Variants in RAD51B observed in about 807,000 individuals in gnomAD.
RAD51B encodes the protein DNA repair protein RAD51 homolog 2.
In RAD51B, 38 loss-of-function variants were observed where a neutral mutation model predicts 42.2. The observed-to-expected ratio is 0.90, with a 90% CI of 0.70 to 1.18. The LOEUF (loss-of-function observed/expected upper bound fraction) is 1.18, where lower values mean the gene tolerates loss of function less well. Among genes scored for constraint, RAD51B ranks in the 50% most tolerant of loss-of-function variants. RAD51B has a pLI of 0.00. For missense variants in RAD51B, 373 were observed against 400.7 expected, an observed-to-expected ratio of 0.93 and a Z score of 0.59; for synonymous variants, 154 against 145.2, an observed-to-expected ratio of 1.06 and a Z score of -0.43.
At chr14:68,206,589 C>T (rs956195983) in intron 7 of RAD51B, among the ~76,000 whole-genome samples, 1 of 152,068 alleles carries the variant, frequency 6.6e-6, no homozygotes, top group Non-Finnish European at 1.5e-5. Flanking sequence ...CTGTTCTTTT[C>T]AGTGGTTGAT....
rs554411436 is a variant in RAD51B at position 68,677,384 on chromosome 14, T to C, written c.*11+26528T>C. Among the ~76,000 whole-genome samples the C allele has an allele frequency of 2.7e-3, 412 of 152,296 alleles. 5 individuals are homozygous for C. The highest frequency in any genetic ancestry group is 9.6e-3 in the African/African-American group (397 of 41,560). On this transcript the variant is annotated intron_variant, in intron 11 of 11. Transcript: ENST00000488612. The stretch of plus-strand genomic sequence containing the variant: ...CTGCTCCGGCCCGGGCCTCTTCACA[T>C]TGGACATAACATTTTCATACGTGCT...
Position 68,611,015 on chromosome 14 carries a change from CTG to C in RAD51B, c.1049_1050del (p.Val350GlyfsTer25), listed in dbSNP as rs1231521116. On this transcript the variant is annotated frameshift_variant, in exon 11 of 11. Coordinates refer to the RAD51B transcript ENST00000487861. LOFTEE classifies it low-confidence loss of function (END_TRUNC). Reference sequence around the variant, plus strand: ...TTCTCTCATTTCACAGTTGTTAGAACTGTGGCCAGAGTCAGCCCCAGGTCAGA... The same window carrying C: ...TTCTCTCATTTCACAGTTGTTAGAACTGGCCAGAGTCAGCCCCAGGTCAGA... 2 of 703,118 alleles carry C rather than the reference CTG, an allele frequency of 2.8e-6. No homozygotes were observed. The highest frequency in any genetic ancestry group is 3.0e-5 in the South Asian group (2 of 67,596). The allele number at this position is 703,118 out of a possible 1,614,324, so 43.6% of individuals were successfully genotyped here. A position where few individuals can be genotyped will look rare whatever the true frequency, so the allele number is the denominator to read the frequency against.
At chr14:68,353,676 C>G (rs1191948019) in intron 8 of RAD51B, among the ~76,000 whole-genome samples, 1 of 152,208 alleles carries the variant, frequency 6.6e-6, no homozygotes, top group Non-Finnish European at 1.5e-5. Flanking sequence ...GCATCCGAGT[C>G]ATAATAGCAC....
At chr14:68,416,694 G>A (rs1386628388) in intron 9 of RAD51B, among the ~76,000 whole-genome samples, 1 of 152,196 alleles carries the variant, frequency 6.6e-6, no homozygotes, top group Admixed American at 6.5e-5. Flanking sequence ...TAGAAATACT[G>A]TAAGAATACT....
Position 68,630,296 on chromosome 14 carries a change from C to T in RAD51B, c.1037-20485C>T, listed in dbSNP as rs143753079. ...TCCGGAGGAATTTCTTCAAGCAACA[C>T]TAACTGTCCTTTCACCACTCTGTTG... is the stretch of plus-strand genomic sequence containing the variant. On this transcript the variant is annotated intron_variant, in intron 10 of 11. Transcript: ENST00000488612. 3.0e-4 allele frequency among the ~76,000 whole-genome samples: 45 copies of T among 152,292 alleles called. No individual in the cohort carries two copies. In the East Asian group the frequency reaches 8.5e-3, roughly 29 times the overall value.
intron 8 of RAD51B, among the ~76,000 whole-genome samples, chr14:68,319,796 G>C (rs1218172283): frequency 6.6e-6 from 1 of 152,154 alleles, no homozygotes; most frequent in Non-Finnish European, 1.5e-5. Flanking sequence ...TAGAGAAGTG[G>C]AGTCTCACTA....
At chr14:68,323,289 G>C (rs1218170322) in intron 8 of RAD51B, among the ~76,000 whole-genome samples, 2 of 152,174 alleles carry the variant, frequency 1.3e-5, no homozygotes, top group Admixed American at 6.5e-5. Context: ...TGAGGGCAGG[G>C]TTTCTTAGAG....
At chr14:68,506,670 C>T (rs1471885305) in intron 10 of RAD51B, among the ~76,000 whole-genome samples, 1 of 152,176 alleles carries the variant, frequency 6.6e-6, no homozygotes, top group Non-Finnish European at 1.5e-5. Context: ...CACCAGCACA[C>T]CTAGGCGCTC....
chr14:67,848,481 G>T (rs539826115), intron 4 of RAD51B, among the ~76,000 whole-genome samples: 28 of 152,086 alleles, frequency 1.8e-4, no homozygotes, highest in Admixed American at 3.3e-4. Context: ...GGGATTACAT[G>T]TGAGATGGGT....
chr14:68,526,249 C>T (rs956127621), intron 10 of RAD51B, among the ~76,000 whole-genome samples: 2 of 152,210 alleles, frequency 1.3e-5, no homozygotes, highest in East Asian at 1.9e-4. Context: ...CCAGCTTGTT[C>T]GTGCTTTGCC....
At chr14:68,394,178 A>G (rs542460759) in intron 8 of RAD51B, among the ~76,000 whole-genome samples, 2 of 152,226 alleles carry the variant, frequency 1.3e-5, no homozygotes, top group Non-Finnish European at 2.9e-5. Flanking sequence ...CAGTGATTGC[A>G]TCTTTGTCCC....
intron 7 of RAD51B, among the ~76,000 whole-genome samples, chr14:67,981,956 A>G (rs756078926): frequency 8.5e-5 from 13 of 152,176 alleles, no homozygotes; most frequent in African/African-American, 3.1e-4. Flanking sequence ...TTTATTTTTG[A>G]GACAGAGTCT....
chr14:68,093,980 TC>T (rs2140526314), intron 7 of RAD51B, among the ~76,000 whole-genome samples: 1 of 152,328 alleles, frequency 6.6e-6, no homozygotes, highest in East Asian at 1.9e-4. Context: ...GTAAGAACAC[TC>T]CTGCTGCCCT....
intron 4 of RAD51B, among the ~76,000 whole-genome samples, chr14:67,856,994 T>A (rs1297312284): frequency 6.6e-6 from 1 of 152,212 alleles, no homozygotes; most frequent in African/African-American, 2.4e-5. Flanking sequence ...ACTTAGCCTA[T>A]TCTGGTTTGG....
chr14:68,104,323 C>G (rs1251888255), intron 7 of RAD51B, among the ~76,000 whole-genome samples: 2 of 152,066 alleles, frequency 1.3e-5, no homozygotes, highest in African/African-American at 4.8e-5. Flanking sequence ...TGAGGGAGGG[C>G]AAACAACTGC....
intron 7 of RAD51B, among the ~76,000 whole-genome samples, chr14:68,131,779 G>A (rs1442070472): frequency 6.6e-6 from 1 of 152,166 alleles, no homozygotes; most frequent in Non-Finnish European, 1.5e-5. Flanking sequence ...TGACTGCCAT[G>A]TGTTCACAAA....
At chr14:68,064,673 C>T (rs893757930) in intron 7 of RAD51B, among the ~76,000 whole-genome samples, 2 of 151,238 alleles carry the variant, frequency 1.3e-5, no homozygotes, top group African/African-American at 4.9e-5. Flanking sequence ...TGTTTTTTCT[C>T]TTTTATTCTT....
At chr14:68,301,966 A>T (rs1375768883) in intron 8 of RAD51B, among the ~76,000 whole-genome samples, 1 of 152,184 alleles carries the variant, frequency 6.6e-6, no homozygotes, top group East Asian at 1.9e-4. Context: ...CATCTTAGAA[A>T]AGTGCTTGAC....
At chr14:68,533,247 G>C (rs1007460958) in intron 10 of RAD51B, among the ~76,000 whole-genome samples, 1 of 152,172 alleles carries the variant, frequency 6.6e-6, no homozygotes, top group African/African-American at 2.4e-5. Context: ...AAAGTCAACA[G>C]CATTTTCTAG....
Sources: allele counts gnomAD v4.1 joint callset (sites outside exome capture counted in the v4.1 genomes callset), GRCh38; gene constraint gnomAD v4.1.1; transcripts MANE v1.5; gene names NCBI Gene and HGNC (gene_info 2026-07-23, HGNC 2026-07-21).